PIEZO2: variants seen among roughly 807,000 people sequenced by gnomAD.
PIEZO2 encodes the protein piezo type mechanosensitive ion channel component 2, also known as piezo-type mechanosensitive ion channel component 2.
A neutral mutation model predicts 337.3 loss-of-function variants in PIEZO2; 172 were observed. The observed-to-expected ratio is 0.51, with a 90% CI of 0.45 to 0.58. The LOEUF (loss-of-function observed/expected upper bound fraction) is 0.58, where lower values mean the gene tolerates loss of function less well. Ranked by LOEUF, PIEZO2 falls within the 20% of genes least tolerant of loss-of-function variation. The probability of loss-of-function intolerance (pLI) is 0.00; values close to 1 mark genes in which losing one functional copy is unlikely to be tolerated. For synonymous variants in PIEZO2, 1,251 were observed against 1,228.5 expected, an observed-to-expected ratio of 1.02 and a Z score of -0.38; for missense variants, 3,028 against 3,391.3, an observed-to-expected ratio of 0.89 and a Z score of 2.66.
intron 5 of PIEZO2, among the ~76,000 whole-genome samples, chr18:10,860,855 T>C (rs1405845771): frequency 6.6e-6 from 1 of 152,222 alleles, no homozygotes; most frequent in Non-Finnish European, 1.5e-5. Context: ...TTAGGAAGGA[T>C]TGGGCCTTTG....
intron 2 of PIEZO2, among the ~76,000 whole-genome samples, chr18:11,025,640 TTC>T (rs913676385): frequency 8.5e-5 from 13 of 152,182 alleles, no homozygotes; most frequent in African/African-American, 2.9e-4. Context: ...AATGAAAAGA[TTC>T]TCTCTGTTTT....
rs537499141 is a variant in PIEZO2, at chr18:10,860,273, C to A, written c.493-3062G>T. Among the ~76,000 whole-genome samples, 205 of 152,270 alleles carry A rather than the reference C, an allele frequency of 1.3e-3. 3 individuals are homozygous for A. The highest frequency in any genetic ancestry group is 6.2e-4 in the South Asian group (3 of 4,822). On this transcript the variant is annotated intron_variant, in intron 5 of 55. Coordinates refer to ENST00000674853, the MANE Select transcript of PIEZO2 (RefSeq NM_001378183.1). ...GATGGCCCTCCTCGAGGTGCTGCTG[C>A]CCCTAAGACCACTCTGCCTTTCCAG...
chr18:10,946,661 G>A (rs1416283513), intron 3 of PIEZO2, among the ~76,000 whole-genome samples: 1 of 152,208 alleles, frequency 6.6e-6, no homozygotes, highest in Non-Finnish European at 1.5e-5. Flanking sequence ...CGCTGGGCTG[G>A]TGCTGCCAGG....
At chr18:10,749,989 C>T in intron 29 of PIEZO2, 102 bp downstream of exon 29, 1 of 857,750 alleles carries the variant, frequency 1.2e-6, no homozygotes, top group Non-Finnish European at 1.8e-6. Flanking sequence ...ACTGACCCCA[C>T]TTTTATATCT....
chr18:10,854,043 C>T lies in PIEZO2; in HGVS notation c.917+1310G>A, dbSNP rs1449204770. On this transcript the variant is annotated intron_variant, in intron 7 of 55. Transcript: ENST00000674853. The surrounding 1 kb of genome is among the most constrained non-coding windows in gnomAD (Gnocchi z 4.6). ...ACTAGACAGTTGCTGCCTCCACTCT[C>T]TATGCAGGCCTCTTTTCCATGCTGA... Among the ~76,000 whole-genome samples, 1 of 152,186 alleles carries T rather than the reference C, an allele frequency of 6.6e-6. No individual in the cohort carries two copies.
chr18:11,145,112 T>C (rs2040774268), intron 1 of PIEZO2, among the ~76,000 whole-genome samples: 1 of 152,234 alleles, frequency 6.6e-6, no homozygotes, highest in South Asian at 2.1e-4. Context: ...TACCTTTTTG[T>C]GTATTATGTG....
At chr18:10,702,269 C>T (rs549537367) in intron 42 of PIEZO2, 98 bp from the exon 43 acceptor site, 66 of 1,177,604 alleles carry the variant, frequency 5.6e-5, no homozygotes, top group Middle Eastern at 2.4e-4. Context: ...GAAAGAGACC[C>T]GCATTTCACA....
chr18:11,035,728 T>G lies in PIEZO2; in HGVS notation c.160+30399A>C, dbSNP rs1401546365. ...GAAAGTGTGATTATGATGATGAAAT[T>G]ATTATTCCACAAAACTACCTCTGGG... On this transcript the variant is annotated intron_variant, in intron 2 of 55. Transcript: ENST00000674853. The surrounding 1 kb of genome is among the most constrained non-coding windows in gnomAD (Gnocchi z 4.3). Among the ~76,000 whole-genome samples the G allele has an allele frequency of 1.3e-5, 2 of 152,158 alleles. No individual in the cohort carries two copies. Among genetic ancestry groups the G allele is most frequent in the Non-Finnish European group, 2.9e-5 (2 of 68,026 alleles).
In PIEZO2 at chr18:10,773,757, G is replaced by C; in HGVS notation, c.2568-128C>G. 4 of 877,254 alleles carry C rather than the reference G, an allele frequency of 4.6e-6. No individual in the cohort carries two copies. Among genetic ancestry groups the C allele is most frequent in the Non-Finnish European group, 6.9e-6 (4 of 582,114 alleles). 54.3% of individuals were successfully genotyped at this position (877,254 alleles called of 1,614,324 possible). On this transcript the variant is annotated intron_variant, in intron 19 of 55. Coordinates refer to ENST00000674853, the MANE Select transcript of PIEZO2 (RefSeq NM_001378183.1). This position sits in a 1 kb window ranked among gnomAD's most constrained non-coding sequence, Gnocchi z 5.3. The stretch of plus-strand genomic sequence containing the variant: ...GTACAAAGACCTCACAAGGTGGGGT[G>C]TTAGCGTTTTGTCACTTTCTTTTTG...
intron 3 of PIEZO2, among the ~76,000 whole-genome samples, chr18:10,927,096 G>A (rs1052545089): frequency 3.9e-5 from 6 of 152,178 alleles, no homozygotes; most frequent in African/African-American, 1.4e-4. Flanking sequence ...AGGAGGGGGC[G>A]AGCTGCACAC....
rs1216047938 is a variant in PIEZO2 at position 11,143,437 on chromosome 18, GT to G, written c.64+5087del. ...ACATTAAATAAAGACTACAAAAATGGTGCTGAAAAACAAAAGCAAACGTTAA... is the reference window on the plus strand; with the variant it reads ...ACATTAAATAAAGACTACAAAAATGGGCTGAAAAACAAAAGCAAACGTTAA... On this transcript the variant is annotated intron_variant, in intron 1 of 55. Coordinates refer to ENST00000674853, the MANE Select transcript of PIEZO2 (RefSeq NM_001378183.1). The surrounding 1 kb of genome is among the most constrained non-coding windows in gnomAD (Gnocchi z 4.9). 6.6e-6 allele frequency among the ~76,000 whole-genome samples: 1 copy of G among 152,060 alleles called. No homozygotes were observed. The highest frequency in any genetic ancestry group is 1.5e-5 in the Non-Finnish European group (1 of 68,022).
At chr18:11,010,037 G>T (rs1455169273) in intron 2 of PIEZO2, among the ~76,000 whole-genome samples, 1 of 152,112 alleles carries the variant, frequency 6.6e-6, no homozygotes, top group Non-Finnish European at 1.5e-5. Context: ...AAATGAATAC[G>T]TACAGGCAAT....
intron 28 of PIEZO2, 81 bp downstream of exon 28, chr18:10,752,555 C>A: frequency 1.1e-5 from 16 of 1,439,500 alleles, no homozygotes; most frequent in Non-Finnish European, 1.5e-5. Flanking sequence ...ATGACAAGCA[C>A]TGGGCTTTTA....
intron 1 of PIEZO2, among the ~76,000 whole-genome samples, chr18:11,067,448 G>T (rs927621769): frequency 3.3e-5 from 5 of 152,100 alleles, no homozygotes; most frequent in Non-Finnish European, 7.4e-5. Flanking sequence ...GACATAGCTT[G>T]GATGAAAGAA....
In PIEZO2 at chr18:11,038,947, A is replaced by C. The variant is rs1446616389; in HGVS notation, c.160+27180T>G. ...GAAACCACTGTAGCTTTGACTAGAC[A>C]TAGGTGGATAGGTGTTTGATATATC... On this transcript the variant is annotated intron_variant, in intron 2 of 55. Coordinates refer to ENST00000674853, the MANE Select transcript of PIEZO2 (RefSeq NM_001378183.1). This position sits in a 1 kb window ranked among gnomAD's most constrained non-coding sequence, Gnocchi z 4.1. Among the ~76,000 whole-genome samples, 1 of 152,104 alleles carries C rather than the reference A, an allele frequency of 6.6e-6. No homozygotes were observed. Among genetic ancestry groups the C allele is most frequent in the Non-Finnish European group, 1.5e-5 (1 of 68,036 alleles).
At position 10,759,370 on chromosome 18, in the gene PIEZO2, A is replaced by C. The variant is rs796132487; in HGVS notation, c.3757+112T>G. On this transcript the variant is annotated intron_variant, in intron 26 of 55. Coordinates refer to ENST00000674853, the MANE Select transcript of PIEZO2 (RefSeq NM_001378183.1). This position sits in a 1 kb window ranked among gnomAD's most constrained non-coding sequence, Gnocchi z 5.5. Reference sequence around the variant, plus strand: ...ATTAATGCATAAGACAAGCCTTTACATGATTACGAAGTCTAGTGGAAGACA... The same window carrying C: ...ATTAATGCATAAGACAAGCCTTTACCTGATTACGAAGTCTAGTGGAAGACA... The C allele has an allele frequency of 6.9e-6, 6 of 874,198 alleles. No homozygotes were observed. The African/African-American group carries it at 1.0e-4, about 15-fold the overall frequency. The allele number at this position is 874,198 out of a possible 1,614,324, so 54.2% of individuals were successfully genotyped here.
At chr18:11,045,806 A>G (rs1395609) in intron 2 of PIEZO2, among the ~76,000 whole-genome samples, 30,822 of 152,152 alleles carry the variant, frequency 0.2, 3,256 homozygotes, top group East Asian at 0.37. Context: ...TGTATTCTAT[A>G]CAATTCAACT....
chr18:10,870,616 C>G lies in PIEZO2; in HGVS notation c.492+637G>C. On this transcript the variant is annotated intron_variant, in intron 5 of 55. Transcript: ENST00000674853. The surrounding 1 kb of genome is among the most constrained non-coding windows in gnomAD (Gnocchi z 5.3). Reference sequence around the variant, plus strand: ...GAGAGCCGTCTGACAGCTCTGATACCCAAGGACGAAAATAGGACAAGCTTC... The same window carrying G: ...GAGAGCCGTCTGACAGCTCTGATACGCAAGGACGAAAATAGGACAAGCTTC... 6.6e-6 allele frequency among the ~76,000 whole-genome samples: 1 copy of G among 151,410 alleles called. No homozygotes were observed. The highest frequency in any genetic ancestry group is 1.9e-4 in the East Asian group (1 of 5,198).
chr18:10,984,041 C>A (rs569152833), intron 2 of PIEZO2, among the ~76,000 whole-genome samples: 3 of 152,192 alleles, frequency 2.0e-5, no homozygotes, highest in African/African-American at 7.2e-5. Flanking sequence ...ATCTCTAACC[C>A]GGTTCACTGG....
Sources: allele counts gnomAD v4.1 joint callset (sites outside exome capture counted in the v4.1 genomes callset), GRCh38; gene constraint gnomAD v4.1.1; non-coding constraint Gnocchi (gnomAD v3.1); transcripts MANE v1.5; gene names NCBI Gene and HGNC (gene_info 2026-07-23, HGNC 2026-07-21).